ATF7IP2: variants seen among roughly 807,000 people sequenced by gnomAD.
The protein encoded by ATF7IP2 is activating transcription factor 7-interacting protein 2.
ATF7IP2 carries 42 observed loss-of-function variants against 64.2 expected under a neutral mutation model. The observed-to-expected ratio is 0.65, with a 90% CI of 0.51 to 0.85. ATF7IP2 has a LOEUF of 0.85. ATF7IP2 is among the 40% of genes least tolerant of loss of function. The probability of loss-of-function intolerance (pLI) is 0.00; values close to 1 mark genes in which losing one functional copy is unlikely to be tolerated. For synonymous variants in ATF7IP2, 308 were observed against 272.8 expected, an observed-to-expected ratio of 1.13 and a Z score of -1.27; for missense variants, 933 against 784.2, an observed-to-expected ratio of 1.19 and a Z score of -2.27.
At chr16:10,450,584 T>A (rs1015961086) in intron 8 of ATF7IP2, among the ~76,000 whole-genome samples, 1 of 152,244 alleles carries the variant, frequency 6.6e-6, no homozygotes, top group Non-Finnish European at 1.5e-5. Context: ...CTTTGTCTCT[T>A]TTGATCATTG....
chr16:10,451,950 G>A (rs1187564088), intron 8 of ATF7IP2, among the ~76,000 whole-genome samples: 2 of 152,042 alleles, frequency 1.3e-5, no homozygotes, highest in African/African-American at 2.4e-5. Context: ...CTACTCAGGA[G>A]GCTATGCAGG....
At chr16:10,465,985 A>G (rs1248916351) in intron 9 of ATF7IP2, among the ~76,000 whole-genome samples, 2 of 152,194 alleles carry the variant, frequency 1.3e-5, no homozygotes, top group Non-Finnish European at 2.9e-5. Context: ...ACAGAGTGAC[A>G]GATGACCCAG....
At chr16:10,458,319 A>T (rs1156627365) in intron 9 of ATF7IP2, among the ~76,000 whole-genome samples, 1 of 152,232 alleles carries the variant, frequency 6.6e-6, no homozygotes, top group Non-Finnish European at 1.5e-5. Flanking sequence ...TTTCAGTGAC[A>T]CTTTGTAGTG....
intron 8 of ATF7IP2, among the ~76,000 whole-genome samples, chr16:10,450,606 T>A (rs1299511907): frequency 6.6e-6 from 1 of 152,210 alleles, no homozygotes; most frequent in African/African-American, 2.4e-5. Flanking sequence ...TGGTTTAAAG[T>A]CTGTTTTATC....
intron 8 of ATF7IP2, chr16:10,447,832 A>AG (rs1188377412): frequency 2.0e-5 from 3 of 152,218 alleles, no homozygotes; most frequent in East Asian, 3.8e-4. Flanking sequence ...ACAAAGGACA[A>AG]GGGGGGTGAA....
rs1445150754 is a variant in ATF7IP2, at chr16:10,430,642, A to C, written c.22A>C (p.Lys8Gln). 1 of 1,613,518 alleles carries C rather than the reference A, an allele frequency of 6.2e-7. No homozygotes were observed. Among genetic ancestry groups the C allele is most frequent in the African/African-American group, 1.3e-5 (1 of 75,026 alleles). ...AAAGATGGCAAGTCCAGATAGAAGTAAACGGAAGATATTAAAAGCCAAAAA... is the reference window on the plus strand; with the variant it reads ...AAAGATGGCAAGTCCAGATAGAAGTCAACGGAAGATATTAAAAGCCAAAAA... MASPDRS[K>Q]RKILKAKKTM... Residue 8 changes from lysine to glutamine, a missense_variant, in exon 5 of 14, where the codon AAA becomes CAA. Lys to Gln is a moderately conservative substitution (Grantham distance 53). Transcript: ENST00000562102.
intron 1 of ATF7IP2, among the ~76,000 whole-genome samples, chr16:10,400,451 T>TA (rs563470733): frequency 1.3e-3 from 195 of 152,354 alleles, no homozygotes; most frequent in African/African-American, 4.4e-3. Context: ...AGCAAACAGA[T>TA]ACACTGATAT....
At chr16:10,449,886 A>C (rs1332070294) in intron 8 of ATF7IP2, 1 of 151,846 alleles carries the variant, frequency 6.6e-6, no homozygotes, top group South Asian at 2.1e-4. Context: ...TTGTTTGCTC[A>C]TGCTTCTCTA....
At chr16:10,433,901 AAG>A (rs199775004) in intron 6 of ATF7IP2, among the ~76,000 whole-genome samples, 2,163 of 152,280 alleles carry the variant, frequency 0.014, 21 homozygotes, top group Non-Finnish European at 0.023. Flanking sequence ...CTGTTGCAAA[AAG>A]AGAATGGGCT....
intron 12 of ATF7IP2, among the ~76,000 whole-genome samples, 163 bp from the exon 13 acceptor site, chr16:10,480,716 C>A (rs1014036234): frequency 2.0e-5 from 3 of 151,186 alleles, no homozygotes; most frequent in Non-Finnish European, 4.4e-5. Flanking sequence ...ATATTTGGTA[C>A]CTCTGTATCT....
chr16:10,400,034 A>T (rs2047496592), intron 1 of ATF7IP2, among the ~76,000 whole-genome samples: 1 of 151,892 alleles, frequency 6.6e-6, no homozygotes, highest in African/African-American at 2.4e-5. Context: ...TAATTTGTTG[A>T]TTATTTTATT....
chr16:10,450,367 C>G (rs1298794608), intron 8 of ATF7IP2, among the ~76,000 whole-genome samples: 1 of 152,084 alleles, frequency 6.6e-6, no homozygotes, highest in Non-Finnish European at 1.5e-5. Context: ...TCCTGAGTAT[C>G]CTTGCTAATT....
intron 5 of ATF7IP2, 114 bp downstream of exon 5, chr16:10,431,569 C>G (rs892138624): frequency 1.4e-5 from 9 of 666,124 alleles, no homozygotes; most frequent in African/African-American, 1.8e-5. Flanking sequence ...TAAATGATGA[C>G]AATTATTTCA....
chr16:10,462,919 A>T (rs1288932870), intron 9 of ATF7IP2, among the ~76,000 whole-genome samples: 2 of 152,056 alleles, frequency 1.3e-5, no homozygotes, highest in Admixed American at 1.3e-4. Context: ...CAGCTTATTA[A>T]TCCTTTCTTT....
chr16:10,438,643 A>G (rs58824402), intron 7 of ATF7IP2, among the ~76,000 whole-genome samples: 27,688 of 152,182 alleles, frequency 0.18, 2,661 homozygotes, highest in African/African-American at 0.24. Flanking sequence ...ATTCCTGGCC[A>G]TTAGCCTAAT....
intron 12 of ATF7IP2, among the ~76,000 whole-genome samples, chr16:10,480,082 G>C (rs996307894): frequency 2.1e-5 from 3 of 143,450 alleles, no homozygotes; most frequent in Non-Finnish European, 4.5e-5. Flanking sequence ...TCCACCTCCC[G>C]GGTTTAAGCA....
chr16:10,416,288 G>T (rs1386253672), intron 2 of ATF7IP2, among the ~76,000 whole-genome samples: 1 of 152,192 alleles, frequency 6.6e-6, no homozygotes, highest in African/African-American at 2.4e-5. Context: ...AATGAGATCT[G>T]TCATTTGCAA....
intron 1 of ATF7IP2, among the ~76,000 whole-genome samples, chr16:10,408,070 C>G (rs561627502): frequency 5.9e-5 from 9 of 152,190 alleles, no homozygotes; most frequent in African/African-American, 2.2e-4. Context: ...TGCCACCATA[C>G]CTAGCTAATT....
At chr16:10,399,643 T>C (rs1169644947) in intron 1 of ATF7IP2, among the ~76,000 whole-genome samples, 1 of 152,244 alleles carries the variant, frequency 6.6e-6, no homozygotes, top group East Asian at 1.9e-4. Flanking sequence ...GCTTTATTGT[T>C]TTAGCTTAGG....
Sources: gnomAD v4.1 joint callset for allele counts (sites outside exome capture counted in the v4.1 genomes callset) on GRCh38, gnomAD v4.1.1 for gene constraint, MANE v1.5 for transcripts, NCBI Gene and HGNC (gene_info 2026-07-23, HGNC 2026-07-21) for gene names.